The following GRIK2 variants were observed in gnomAD, a reference collection of about 807,000 sequenced individuals.
The protein encoded by GRIK2 is glutamate ionotropic receptor kainate type subunit 2.
Under a neutral mutation model 100.3 loss-of-function variants are expected in GRIK2, and 32 were observed. That is an observed-to-expected ratio of 0.32 (90% confidence interval 0.24 to 0.43). The LOEUF is 0.43. Ranked by LOEUF, GRIK2 falls within the 20% of genes least tolerant of loss-of-function variation. The probability of loss-of-function intolerance (pLI) is 1.00; values close to 1 mark genes in which losing one functional copy is unlikely to be tolerated. For missense variants in GRIK2, 843 were observed against 1,114.9 expected, an observed-to-expected ratio of 0.76 and a Z score of 3.47; for synonymous variants, 417 against 389.4, an observed-to-expected ratio of 1.07 and a Z score of -0.83.
chr6:101,871,335 A>G (rs1785401064), intron 11 of GRIK2, among the ~76,000 whole-genome samples: 1 of 151,794 alleles, frequency 6.6e-6, no homozygotes, highest in Non-Finnish European at 1.5e-5. Context: ...TAATCATTCT[A>G]TTTATATATT....
chr6:101,847,122 A>G (rs192294683), intron 10 of GRIK2, among the ~76,000 whole-genome samples: 2 of 152,092 alleles, frequency 1.3e-5, no homozygotes, highest in African/African-American at 4.8e-5. Context: ...TTTTTAATGT[A>G]GATATATACA....
chr6:101,923,815 G>A (rs1048865048), intron 12 of GRIK2, among the ~76,000 whole-genome samples: 3 of 151,638 alleles, frequency 2.0e-5, no homozygotes, highest in Admixed American at 6.6e-5. Flanking sequence ...CAGCTACTCC[G>A]GAGGCTGAGG....
intron 4 of GRIK2, among the ~76,000 whole-genome samples, chr6:101,634,977 C>A (rs917199839): frequency 2.0e-5 from 3 of 151,756 alleles, no homozygotes; most frequent in African/African-American, 4.8e-5. Context: ...TTTTATCTTG[C>A]ACGTATATTT....
chr6:101,485,446 C>A (rs1772768823), intron 2 of GRIK2, among the ~76,000 whole-genome samples: 1 of 151,998 alleles, frequency 6.6e-6, no homozygotes, highest in Non-Finnish European at 1.5e-5. Context: ...TTTATAGGAA[C>A]TTTGTTTCAC....
At position 101,889,634 on chromosome 6, in the gene GRIK2, C is replaced by G. The variant is rs745422964; in HGVS notation, c.1525-6C>G. ...TTTTTTTTTTTTTGTTTGTTTCTGTCTACAGAAAGCTGACCTTGCAGTTGC... is the reference window on the plus strand; with the variant it reads ...TTTTTTTTTTTTTGTTTGTTTCTGTGTACAGAAAGCTGACCTTGCAGTTGC... On this transcript the variant is annotated splice_polypyrimidine_tract_variant and splice_region_variant and intron_variant, in intron 11 of 16. Transcript: ENST00000369134. 2.0e-6 allele frequency: 2 copies of G among 991,254 alleles called. No homozygotes were observed. The highest frequency in any genetic ancestry group is 2.3e-5 in the South Asian group (1 of 43,442). 61.4% of individuals were successfully genotyped at this position (991,254 alleles called of 1,614,324 possible).
At chr6:101,623,856 T>C (rs1487642127) in intron 3 of GRIK2, among the ~76,000 whole-genome samples, 1 of 152,166 alleles carries the variant, frequency 6.6e-6, no homozygotes, top group African/African-American at 2.4e-5. Flanking sequence ...CTGAATCTCT[T>C]GTTTGTTGAG....
intron 5 of GRIK2, among the ~76,000 whole-genome samples, chr6:101,679,474 T>C (rs1582946645): frequency 6.6e-6 from 1 of 152,202 alleles, no homozygotes; most frequent in African/African-American, 2.4e-5. Context: ...ACCGCTTTTA[T>C]GTTGAGGCAA....
chr6:101,932,716 T>A (rs1269518516), intron 14 of GRIK2, among the ~76,000 whole-genome samples: 1 of 151,950 alleles, frequency 6.6e-6, no homozygotes, highest in Non-Finnish European at 1.5e-5. Flanking sequence ...CATTTTTGTA[T>A]CTCTAGTTCT....
intron 11 of GRIK2, among the ~76,000 whole-genome samples, chr6:101,876,010 T>TGG (rs5878697): frequency 3.2e-5 from 3 of 94,992 alleles, no homozygotes; most frequent in South Asian, 3.2e-4. Context: ...TTTATGTGTT[T>TGG]GTGTGTGTGT....
At chr6:101,718,024 T>G (rs891167805) in intron 7 of GRIK2, among the ~76,000 whole-genome samples, 5 of 151,820 alleles carry the variant, frequency 3.3e-5, no homozygotes, top group African/African-American at 1.2e-4. Flanking sequence ...CCCTTCTACC[T>G]ATGTTTCTTT....
At chr6:101,575,112 A>T in intron 2 of GRIK2, among the ~76,000 whole-genome samples, 1 of 151,884 alleles carries the variant, frequency 6.6e-6, no homozygotes, top group African/African-American at 2.4e-5. Flanking sequence ...CTTACCTGTA[A>T]TATATGCCAC....
At chr6:101,665,750 A>G (rs1177545752) in intron 4 of GRIK2, among the ~76,000 whole-genome samples, 1 of 152,262 alleles carries the variant, frequency 6.6e-6, no homozygotes, top group African/African-American at 2.4e-5. Flanking sequence ...GTCATTTTCT[A>G]GGTATTTTTG....
intron 7 of GRIK2, among the ~76,000 whole-genome samples, chr6:101,721,144 T>G (rs1278671057): frequency 6.6e-6 from 1 of 152,088 alleles, no homozygotes; most frequent in Non-Finnish European, 1.5e-5. Context: ...CTATAGGTAC[T>G]CAGGACAGTT....
intron 7 of GRIK2, among the ~76,000 whole-genome samples, chr6:101,722,634 C>A (rs2128366199): frequency 6.6e-6 from 1 of 152,136 alleles, no homozygotes; most frequent in East Asian, 1.9e-4. Context: ...GACAGTGTAT[C>A]TGGACTGTAT....
intron 7 of GRIK2, among the ~76,000 whole-genome samples, chr6:101,740,062 A>G (rs543384678): frequency 1.3e-5 from 2 of 152,300 alleles, no homozygotes; most frequent in South Asian, 4.1e-4. Flanking sequence ...TGGTGGAGAA[A>G]GGGAAAGCGA....
At position 101,626,615 on chromosome 6, in the gene GRIK2, G is replaced by T; in HGVS notation, c.519G>T (p.Thr173=). ...AGTTTTTCAAGTGGAAAACCGTCAC[G>T]GTTGTGTATGATGACAGCACTGGTA... The part of the protein sequence containing the change: ...LVQFFKWKTV[T]VVYDDSTGLI... Residue 173 remains threonine, a synonymous_variant, in exon 4 of 17, where the codon ACG becomes ACT. Transcript: ENST00000369134. 1 of 1,613,766 alleles carries T rather than the reference G, an allele frequency of 6.2e-7. No individual in the cohort carries two copies. The highest frequency in any genetic ancestry group is 1.1e-5 in the South Asian group (1 of 91,078).
At chr6:101,630,001 T>A (rs530947681) in intron 4 of GRIK2, among the ~76,000 whole-genome samples, 79 of 152,302 alleles carry the variant, frequency 5.2e-4, no homozygotes, top group African/African-American at 1.8e-3. Context: ...TCACTTAGGA[T>A]AATGGCTTTC....
At chr6:101,459,848 C>T (rs561214649) in intron 2 of GRIK2, among the ~76,000 whole-genome samples, 15 of 151,910 alleles carry the variant, frequency 9.9e-5, no homozygotes, top group East Asian at 7.8e-4. Context: ...CTCTGCCTCC[C>T]GGGTTCAAGC....
At chr6:101,617,881 T>A (rs1436419532) in intron 2 of GRIK2, among the ~76,000 whole-genome samples, 1 of 151,710 alleles carries the variant, frequency 6.6e-6, no homozygotes, top group Non-Finnish European at 1.5e-5. Flanking sequence ...TGTGTGTATA[T>A]ATGTGTGAAT....
Sources: allele counts gnomAD v4.1 joint callset (sites outside exome capture counted in the v4.1 genomes callset), GRCh38; gene constraint gnomAD v4.1.1; transcripts MANE v1.5; gene names NCBI Gene and HGNC (gene_info 2026-07-23, HGNC 2026-07-21).